FNIP1: variants seen among roughly 807,000 people sequenced by gnomAD.
The protein encoded by FNIP1 is folliculin-interacting protein 1.
In FNIP1, 40 loss-of-function variants were observed where a neutral mutation model predicts 124.5. The observed-to-expected ratio is 0.32, with a 90% CI of 0.25 to 0.42. FNIP1 has a LOEUF of 0.42. Ranked by LOEUF, FNIP1 falls within the 10% of genes least tolerant of loss-of-function variation. FNIP1 has a pLI of 1.00. For synonymous variants in FNIP1, 472 were observed against 470.6 expected (o/e 1.00, Z -0.04); for missense variants, 1,176 against 1,403.7 (o/e 0.84, Z 2.59).
intron 11 of FNIP1, among the ~76,000 whole-genome samples, chr5:131,690,763 G>T (rs1013118267): frequency 6.6e-5 from 10 of 152,154 alleles, no homozygotes; most frequent in African/African-American, 2.4e-4. Flanking sequence ...AATTATCAGA[G>T]ATAAAGAGGG....
At chr5:131,733,863 T>G (rs1322193465) in intron 2 of FNIP1, among the ~76,000 whole-genome samples, 5 of 152,306 alleles carry the variant, frequency 3.3e-5, no homozygotes, top group African/African-American at 1.2e-4. Flanking sequence ...TAGGGAGGAT[T>G]CCCTCTTTTT....
At chr5:131,743,903 A>G (rs569915552) in intron 2 of FNIP1, among the ~76,000 whole-genome samples, 1 of 152,302 alleles carries the variant, frequency 6.6e-6, no homozygotes, top group South Asian at 2.1e-4. Context: ...AGGAAAAAGT[A>G]AAGAAAAATT....
chr5:131,732,680 T>C (rs1348413012), intron 2 of FNIP1, among the ~76,000 whole-genome samples: 1 of 152,220 alleles, frequency 6.6e-6, no homozygotes, highest in Non-Finnish European at 1.5e-5. Context: ...TACTGTTCCA[T>C]TGGTCTGTAT....
chr5:131,663,778 C>T (rs970891299), intron 15 of FNIP1, among the ~76,000 whole-genome samples: 2 of 152,120 alleles, frequency 1.3e-5, no homozygotes, highest in Non-Finnish European at 2.9e-5. Flanking sequence ...GTTAAAATTG[C>T]TTGTTTACTA....
intron 13 of FNIP1, among the ~76,000 whole-genome samples, chr5:131,676,286 T>G (rs1026068450): frequency 1.3e-5 from 2 of 152,144 alleles, no homozygotes; most frequent in Admixed American, 1.3e-4. Flanking sequence ...GTGCTGAGAT[T>G]ACAGGCGTGA....
intron 13 of FNIP1, among the ~76,000 whole-genome samples, chr5:131,673,805 ATGGGTGG>A (rs555639361): frequency 7.1e-4 from 108 of 152,168 alleles, no homozygotes; most frequent in Middle Eastern, 3.4e-3. Flanking sequence ...AGAGGCCGAG[ATGGGTGG>A]ATCACTTGAG....
intron 11 of FNIP1, among the ~76,000 whole-genome samples, chr5:131,682,323 T>C (rs1286813977): frequency 6.6e-6 from 1 of 152,330 alleles, no homozygotes; most frequent in African/African-American, 2.4e-5. Flanking sequence ...GTATTATATA[T>C]GCTATGGCCT....
chr5:131,695,191 G>A (rs1455699708), intron 11 of FNIP1, among the ~76,000 whole-genome samples: 1 of 152,032 alleles, frequency 6.6e-6, no homozygotes, highest in Non-Finnish European at 1.5e-5. Flanking sequence ...GGGGAAGAGG[G>A]CTATATGAAA....
chr5:131,684,354 T>C (rs1490522965), intron 11 of FNIP1, among the ~76,000 whole-genome samples: 2 of 152,196 alleles, frequency 1.3e-5, no homozygotes, highest in Non-Finnish European at 2.9e-5. Context: ...TGTTAGCAAG[T>C]GGGTGAATTC....
chr5:131,678,632 G>A (rs1767980336), intron 12 of FNIP1, among the ~76,000 whole-genome samples: 1 of 151,746 alleles, frequency 6.6e-6, no homozygotes, highest in Non-Finnish European at 1.5e-5. Context: ...AGGATGTCTC[G>A]ATCTCCTGAC....
At chr5:131,730,825 T>C in intron 3 of FNIP1, 79 bp downstream of exon 3, 2 of 1,174,972 alleles carry the variant, frequency 1.7e-6, no homozygotes, top group Non-Finnish European at 2.4e-6. Context: ...TAATTGCTAT[T>C]ATATCTCCAC....
intron 12 of FNIP1, among the ~76,000 whole-genome samples, chr5:131,678,159 T>G (rs1767965451): frequency 6.6e-6 from 1 of 152,170 alleles, no homozygotes; most frequent in Non-Finnish European, 1.5e-5. Context: ...ACTTCAAAAA[T>G]TATGGATTAT....
At chr5:131,711,561 A>G (rs929983894) in intron 6 of FNIP1, among the ~76,000 whole-genome samples, 1 of 152,196 alleles carries the variant, frequency 6.6e-6, no homozygotes, top group African/African-American at 2.4e-5. Context: ...TGGCATAATC[A>G]TAGCTCACTG....
At chr5:131,739,556 G>A (rs367833225) in intron 2 of FNIP1, among the ~76,000 whole-genome samples, 6 of 152,094 alleles carry the variant, frequency 3.9e-5, no homozygotes, top group African/African-American at 9.7e-5. Context: ...GCTCACGCCC[G>A]TAATCCCAGC....
Position 131,672,405 on chromosome 5 carries a change from G to A in FNIP1, c.2039C>T (p.Thr680Ile). 6.2e-7 allele frequency: 1 copy of A among 1,614,072 alleles called. No individual in the cohort carries two copies. Among genetic ancestry groups the A allele is most frequent in the Non-Finnish European group, 8.5e-7 (1 of 1,180,034 alleles). The change falls in exon 14 of 18, where the codon ACA (threonine) becomes ATA (isoleucine). Residue 680 changes from threonine (T) to isoleucine (I), a missense_variant. Physicochemically the swap from Thr to Ile is moderately conservative, Grantham distance 89 (BLOSUM62 -1). This residue lies in a region of FNIP1 where 1,109 missense variants were observed against 1,288.5 expected (regional missense o/e 0.86). Coordinates refer to ENST00000510461, the MANE Select transcript of FNIP1 (RefSeq NM_133372.3). ...TGGAACAGATCCTGTGCAAACAACT[G>A]TCTCTAACTTGGCGTCAAAGCAAGT... is the stretch of plus-strand genomic sequence containing the variant. ...LRTCFDAKLE[T>I]VVCTGSVPVD...
chr5:131,721,176 GCAA>G (rs1769647472), intron 3 of FNIP1, among the ~76,000 whole-genome samples: 1 of 152,064 alleles, frequency 6.6e-6, no homozygotes, highest in South Asian at 2.1e-4. Context: ...TCTGCAACAC[GCAA>G]CACGGATGAA....
At chr5:131,679,642 G>C (rs548326240) in intron 11 of FNIP1, among the ~76,000 whole-genome samples, 11 of 152,266 alleles carry the variant, frequency 7.2e-5, no homozygotes, top group African/African-American at 2.6e-4. Context: ...TGTTGCCTAT[G>C]CTAAGACTCT....
intron 1 of FNIP1, among the ~76,000 whole-genome samples, chr5:131,776,120 A>C (rs889520868): frequency 6.6e-5 from 10 of 152,208 alleles, no homozygotes; most frequent in African/African-American, 2.4e-4. Context: ...AGTTTGACAA[A>C]ATGCTTTTAA....
intron 11 of FNIP1, among the ~76,000 whole-genome samples, chr5:131,698,535 C>A (rs1389701375): frequency 6.6e-6 from 1 of 152,140 alleles, no homozygotes; most frequent in African/African-American, 2.4e-5. Flanking sequence ...AGTGCATGTT[C>A]CTTATATCCA....
Sources: gnomAD v4.1 joint callset for allele counts (sites outside exome capture counted in the v4.1 genomes callset) on GRCh38, gnomAD v4.1.1 for gene constraint, gnomAD v4.1.1 regional missense constraint, MANE v1.5 for transcripts, NCBI Gene and HGNC (gene_info 2026-07-23, HGNC 2026-07-21) for gene names.